DUSP16: variants seen among roughly 807,000 people sequenced by gnomAD.
DUSP16 encodes the protein dual specificity phosphatase 16.
A neutral mutation model predicts 58.3 loss-of-function variants in DUSP16; 21 were observed. That is an observed-to-expected ratio of 0.36 (90% CI 0.26 to 0.52). The LOEUF is 0.52. Among genes scored for constraint, DUSP16 ranks in the 20% least tolerant of loss-of-function variants. The pLI is 0.94. For missense variants in DUSP16, 726 were observed against 819.0 expected (o/e 0.89, Z 1.39); for synonymous variants, 320 against 323.8 (o/e 0.99, Z 0.12).
Position 12,562,342 on chromosome 12 carries a change from A to G in DUSP16, c.-591T>C, listed in dbSNP as rs904544875. The G allele has an allele frequency of 6.6e-6, 1 of 151,246 alleles. No individual in the cohort carries two copies. 9.4% of individuals were successfully genotyped at this position (151,246 alleles called of 1,614,324 possible). ...GTGGGTTGGGGCGGGAGGCTTAGGAAGAGAGGAGACGCTCGCAACTTTTCT... is the reference window on the plus strand; with the variant it reads ...GTGGGTTGGGGCGGGAGGCTTAGGAGGAGAGGAGACGCTCGCAACTTTTCT... On this transcript the variant is annotated 5_prime_UTR_variant, in exon 1 of 7. Coordinates refer to ENST00000298573, the MANE Select transcript of DUSP16 (RefSeq NM_030640.3).
chr12:12,477,869 T>C lies in DUSP16; in HGVS notation c.962A>G (p.Glu321Gly), dbSNP rs1943486977. 1.9e-6 allele frequency: 3 copies of C among 1,614,006 alleles called. No homozygotes were observed. The South Asian group carries it at 3.3e-5, about 18-fold the overall frequency. Reference sequence around the variant, plus strand: ...ACCCTCTGAGACAGCAGGGACAGGTTCATTTGGCTTCTCCAGGTGCAGCAG... The same window carrying C: ...ACCCTCTGAGACAGCAGGGACAGGTCCATTTGGCTTCTCCAGGTGCAGCAG... ...LKLLHLEKPN[E>G]PVPAVSEGGQ... is the part of the protein sequence containing the mutation. Residue 321 changes from glutamate to glycine, a missense_variant, in exon 7 of 7, where the codon GAA (glutamate) becomes GGA (glycine). Coordinates refer to ENST00000298573, the MANE Select transcript of DUSP16 (RefSeq NM_030640.3). This position sits in a 1 kb window ranked among gnomAD's most constrained non-coding sequence, Gnocchi z 4.1.
rs1472703008 is a variant in DUSP16 at position 12,521,402 on chromosome 12, C to T, written c.-304G>A. ...ACAAAAGATGCTTTGGAGCAGCCAG[C>T]GCATTACATCATTCTTTACCTTTGC... is the stretch of plus-strand genomic sequence containing the variant. On this transcript the variant is annotated 5_prime_UTR_variant, in exon 2 of 7. Transcript: ENST00000298573. 4.0e-6 allele frequency: 5 copies of T among 1,253,240 alleles called. No individual in the cohort carries two copies. Among genetic ancestry groups the T allele is most frequent in the Non-Finnish European group, 4.0e-6 (4 of 989,524 alleles). 77.6% of individuals were successfully genotyped at this position (1,253,240 alleles called of 1,614,324 possible).
Position 12,477,488 on chromosome 12 carries a change from A to G in DUSP16, c.1343T>C (p.Val448Ala). The G allele has an allele frequency of 6.3e-7, 1 of 1,596,782 alleles. No homozygotes were observed. Among genetic ancestry groups the G allele is most frequent in the Non-Finnish European group, 8.5e-7 (1 of 1,170,230 alleles). ...GGGAGTCTGCTCCGATAGTTCCTGA[A>G]CAGGGGAGAACTGGCATAGCTTGTT... ...GTNKLCQFSP[V>A]QELSEQTPET... Residue 448 changes from valine to alanine, a missense_variant, in exon 7 of 7, where the codon GTT (valine) becomes GCT (alanine). Physicochemically the swap from Val to Ala is moderately conservative, Grantham distance 64 (BLOSUM62 0). Coordinates refer to ENST00000298573, the MANE Select transcript of DUSP16 (RefSeq NM_030640.3). This position sits in a 1 kb window ranked among gnomAD's most constrained non-coding sequence, Gnocchi z 4.1.
At chr12:12,548,921 T>C (rs1048240039) in intron 1 of DUSP16, among the ~76,000 whole-genome samples, 4 of 152,056 alleles carry the variant, frequency 2.6e-5, no homozygotes, top group Admixed American at 2.0e-4. Context: ...ATCATGACTT[T>C]ATCCCTCAGC....
intron 1 of DUSP16, among the ~76,000 whole-genome samples, chr12:12,524,449 A>G (rs1026985215): frequency 2.0e-5 from 3 of 152,248 alleles, no homozygotes; most frequent in East Asian, 3.8e-4. Context: ...TAAAGTAACA[A>G]TGGCCTTAAT....
intron 4 of DUSP16, among the ~76,000 whole-genome samples, chr12:12,497,840 C>T (rs774343152): frequency 1.3e-5 from 2 of 151,912 alleles, no homozygotes; most frequent in East Asian, 3.9e-4. Flanking sequence ...CATGGTGGTG[C>T]GTGCCTGTAG....
At chr12:12,509,837 C>T (rs550930894) in intron 3 of DUSP16, among the ~76,000 whole-genome samples, 6 of 152,180 alleles carry the variant, frequency 3.9e-5, no homozygotes, top group African/African-American at 2.4e-5. Context: ...CATTCAAAGC[C>T]AAAAGCTAGT....
At chr12:12,548,644 A>G (rs1276230481) in intron 1 of DUSP16, among the ~76,000 whole-genome samples, 2 of 139,638 alleles carry the variant, frequency 1.4e-5, no homozygotes, top group Non-Finnish European at 3.0e-5. Flanking sequence ...AAAAAAAAAA[A>G]AAAGAAAAAG....
In DUSP16 at chr12:12,541,542, T is replaced by G. The variant is rs540166208; in HGVS notation, c.-365-20079A>C. On this transcript the variant is annotated intron_variant, in intron 1 of 6. Transcript: ENST00000298573. ...GGTAAATGGCATAAATTCTCAGGAG[T>G]TGGTCAATCTATGATAGTTGTAGTT... 3.9e-5 allele frequency among the ~76,000 whole-genome samples: 6 copies of G among 152,152 alleles called. No homozygotes were observed. In the South Asian group the frequency reaches 1.2e-3, roughly 32 times the overall value.
chr12:12,526,102 A>G (rs1944303118), intron 1 of DUSP16, among the ~76,000 whole-genome samples: 1 of 152,240 alleles, frequency 6.6e-6, no homozygotes, highest in Non-Finnish European at 1.5e-5. Flanking sequence ...TTAAAAGACT[A>G]TCTAGGAATA....
At chr12:12,508,635 G>C (rs1944031007) in intron 3 of DUSP16, among the ~76,000 whole-genome samples, 1 of 135,318 alleles carries the variant, frequency 7.4e-6, no homozygotes, top group Non-Finnish European at 1.7e-5. Context: ...GAGGAGAGTG[G>C]ATAGATACGC....
At chr12:12,512,965 A>AT (rs1944099819) in intron 3 of DUSP16, among the ~76,000 whole-genome samples, 1 of 152,244 alleles carries the variant, frequency 6.6e-6, no homozygotes, top group African/African-American at 2.4e-5. Context: ...AGGTTCTATC[A>AT]TACCTCCATG....
At chr12:12,533,919 GCC>G (rs1375776165) in intron 1 of DUSP16, among the ~76,000 whole-genome samples, 1 of 152,224 alleles carries the variant, frequency 6.6e-6, no homozygotes, top group South Asian at 2.1e-4. Context: ...CTGTAAGTGT[GCC>G]TCAGTTCTCA....
At chr12:12,552,162 T>C (rs902529674) in intron 1 of DUSP16, among the ~76,000 whole-genome samples, 2 of 152,004 alleles carry the variant, frequency 1.3e-5, no homozygotes, top group African/African-American at 4.8e-5. Flanking sequence ...TATTTAAGAA[T>C]CTGGCTGGGA....
chr12:12,488,980 T>TGAGGCAGAAGAATCGCTTGAACTCAG, intron 4 of DUSP16, among the ~76,000 whole-genome samples: 1 of 152,242 alleles, frequency 6.6e-6, no homozygotes, highest in South Asian at 2.1e-4. Flanking sequence ...TCGGGAAAGT[T>TGAGGCAGAAGAATCGCTTGAACTCAG]GAGGCAGAAG....
chr12:12,539,878 C>A (rs1294273851), intron 1 of DUSP16, among the ~76,000 whole-genome samples: 1 of 151,970 alleles, frequency 6.6e-6, no homozygotes, highest in African/African-American at 2.4e-5. Context: ...TGGTGAAACC[C>A]CGTCTCTACT....
intron 4 of DUSP16, among the ~76,000 whole-genome samples, chr12:12,494,997 C>T (rs532599215): frequency 7.9e-5 from 12 of 152,186 alleles, no homozygotes; most frequent in South Asian, 2.1e-4. Flanking sequence ...CACAGCCCAG[C>T]GCATTACCAC....
intron 3 of DUSP16, among the ~76,000 whole-genome samples, chr12:12,504,864 G>A (rs1466086879): frequency 6.6e-6 from 1 of 152,042 alleles, no homozygotes; most frequent in Non-Finnish European, 1.5e-5. Flanking sequence ...GTGACAAAGT[G>A]AGACCCTGTC....
rs115894797 is a variant in DUSP16, at chr12:12,507,453, T to C, written c.368-6771A>G. ...CCTCCCACCCTATATTGTGAATGGA[T>C]TCCATGGTTATACAAAGAAATAATA... On this transcript the variant is annotated intron_variant, in intron 3 of 6. Coordinates refer to ENST00000298573, the MANE Select transcript of DUSP16 (RefSeq NM_030640.3). Among the ~76,000 whole-genome samples the C allele has an allele frequency of 5.3e-3, 814 of 152,298 alleles. 8 individuals carry two copies. The highest frequency in any genetic ancestry group is 0.018 in the African/African-American group (742 of 41,560).
Sources: allele counts gnomAD v4.1 joint callset (sites outside exome capture counted in the v4.1 genomes callset), GRCh38; gene constraint gnomAD v4.1.1; non-coding constraint Gnocchi (gnomAD v3.1); transcripts MANE v1.5; gene names NCBI Gene and HGNC (gene_info 2026-07-23, HGNC 2026-07-21).